Variants in ZHX2 observed in about 807,000 individuals in gnomAD.
ZHX2 encodes zinc fingers and homeoboxes 2, also known as zinc fingers and homeoboxes protein 2.
A neutral mutation model predicts 21.9 loss-of-function variants in ZHX2; 6 were observed. That is an observed-to-expected ratio of 0.27 (90% CI 0.15 to 0.54). The LOEUF is 0.54. Among genes scored for constraint, ZHX2 ranks in the 20% least tolerant of loss-of-function variants. The pLI is 0.95. For synonymous variants in ZHX2, 434 were observed against 437.1 expected, an observed-to-expected ratio of 0.99 and a Z score of 0.09; for missense variants, 908 against 1,090.7, an observed-to-expected ratio of 0.83 and a Z score of 2.36.
chr8:122,843,755 G>C (rs754384706), intron 1 of ZHX2, among the ~76,000 whole-genome samples: 24 of 152,188 alleles, frequency 1.6e-4, no homozygotes, highest in Admixed American at 4.6e-4. Context: ...CCAGCTAGAC[G>C]TGAAGGAGCT....
At chr8:122,783,502 CACTT>C (rs1817333886) in intron 1 of ZHX2, among the ~76,000 whole-genome samples, 1 of 152,120 alleles carries the variant, frequency 6.6e-6, no homozygotes, top group African/African-American at 2.4e-5. Flanking sequence ...CACACACACA[CACTT>C]ACTCACTCTC....
At chr8:122,866,329 C>G (rs117180124) in intron 2 of ZHX2, among the ~76,000 whole-genome samples, 3 of 152,130 alleles carry the variant, frequency 2.0e-5, no homozygotes, top group South Asian at 2.1e-4. Flanking sequence ...GGCACTCCCC[C>G]CCACCCCAGG....
intron 2 of ZHX2, among the ~76,000 whole-genome samples, chr8:122,930,008 C>T (rs998969746): frequency 6.6e-6 from 1 of 152,142 alleles, no homozygotes; most frequent in Non-Finnish European, 1.5e-5. Context: ...ACAGTCTTCC[C>T]GTTACCTGCT....
intron 2 of ZHX2, among the ~76,000 whole-genome samples, chr8:122,907,605 A>G (rs1586378310): frequency 6.6e-6 from 1 of 152,210 alleles, no homozygotes; most frequent in African/African-American, 2.4e-5. Context: ...TCCCAGAGGT[A>G]TTGGACAAAT....
intron 2 of ZHX2, among the ~76,000 whole-genome samples, chr8:122,880,121 G>A (rs1293929190): frequency 5.3e-5 from 8 of 151,672 alleles, no homozygotes; most frequent in Non-Finnish European, 8.8e-5. Context: ...TACAGGTGCC[G>A]CCACCAAACC....
intron 1 of ZHX2, among the ~76,000 whole-genome samples, chr8:122,827,869 T>C (rs1445041097): frequency 6.6e-6 from 1 of 152,218 alleles, no homozygotes; most frequent in Non-Finnish European, 1.5e-5. Context: ...CCCAACACTT[T>C]GGGAGGCCAA....
At chr8:122,797,568 C>T (rs1258979694) in intron 1 of ZHX2, among the ~76,000 whole-genome samples, 1 of 152,156 alleles carries the variant, frequency 6.6e-6, no homozygotes, top group South Asian at 2.1e-4. Flanking sequence ...TGAATCCAGG[C>T]CGACAAAGTT....
chr8:122,911,186 A>T (rs1820472508), intron 2 of ZHX2, among the ~76,000 whole-genome samples: 1 of 146,906 alleles, frequency 6.8e-6, no homozygotes, highest in Admixed American at 6.9e-5. Flanking sequence ...GCAGCCCCGT[A>T]GTCCTGTTGG....
At chr8:122,890,871 T>C (rs1186825447) in intron 2 of ZHX2, among the ~76,000 whole-genome samples, 9 of 152,188 alleles carry the variant, frequency 5.9e-5, no homozygotes, top group East Asian at 3.8e-4. Context: ...AGCCTAGCTT[T>C]TTCTATATGA....
At chr8:122,830,819 GACTATAAAA>G (rs941162855) in intron 1 of ZHX2, among the ~76,000 whole-genome samples, 2 of 152,212 alleles carry the variant, frequency 1.3e-5, no homozygotes, top group African/African-American at 4.8e-5. Flanking sequence ...ATTTTAAAGG[GACTATAAAA>G]AGAGGGTGCT....
chr8:122,884,388 G>T (rs550316118), intron 2 of ZHX2, among the ~76,000 whole-genome samples: 1 of 152,328 alleles, frequency 6.6e-6, no homozygotes, highest in African/African-American at 2.4e-5. Flanking sequence ...TTTCTAATTT[G>T]TCAGTCACAT....
chr8:122,926,635 G>A (rs1482952923), intron 2 of ZHX2, among the ~76,000 whole-genome samples: 5 of 152,128 alleles, frequency 3.3e-5, no homozygotes, highest in Non-Finnish European at 2.9e-5. Flanking sequence ...TTCCTCGTTC[G>A]GCTGGTCCTA....
intron 2 of ZHX2, among the ~76,000 whole-genome samples, chr8:122,907,074 A>G (rs1475326302): frequency 2.0e-5 from 3 of 152,210 alleles, no homozygotes; most frequent in Admixed American, 1.3e-4. Context: ...GCAGTGGTCA[A>G]TCATCAAGTT....
At chr8:122,788,073 G>A (rs1817435075) in intron 1 of ZHX2, among the ~76,000 whole-genome samples, 1 of 152,156 alleles carries the variant, frequency 6.6e-6, no homozygotes, top group African/African-American at 2.4e-5. Context: ...ACAACCAGAT[G>A]CACAAAGCTC....
chr8:122,929,767 C>T (rs1386521544), intron 2 of ZHX2, among the ~76,000 whole-genome samples: 3 of 152,112 alleles, frequency 2.0e-5, no homozygotes, highest in Non-Finnish European at 2.9e-5. Context: ...CTTATATACC[C>T]GTAGCTCACA....
chr8:122,810,282 T>C (rs1276805769), intron 1 of ZHX2, among the ~76,000 whole-genome samples: 1 of 152,010 alleles, frequency 6.6e-6, no homozygotes, highest in East Asian at 1.9e-4. Context: ...AAATGGGGGG[T>C]AGTAACACCT....
intron 2 of ZHX2, among the ~76,000 whole-genome samples, chr8:122,871,276 C>A (rs1348039702): frequency 6.6e-6 from 1 of 151,990 alleles, no homozygotes; most frequent in Non-Finnish European, 1.5e-5. Context: ...TTGGAACCAA[C>A]CCAAATGTCC....
chr8:122,957,816 G>C (rs1396375699), intron 3 of ZHX2, among the ~76,000 whole-genome samples: 1 of 152,092 alleles, frequency 6.6e-6, no homozygotes, highest in Non-Finnish European at 1.5e-5. Flanking sequence ...TCTGCACTAG[G>C]GGTGGCATTG....
intron 3 of ZHX2, among the ~76,000 whole-genome samples, chr8:122,972,256 G>A (rs926663582): frequency 6.6e-6 from 1 of 152,008 alleles, no homozygotes; most frequent in African/African-American, 2.4e-5. Context: ...TTTCTAATAG[G>A]GTAACATTCT....
Sources: gnomAD v4.1 joint callset for allele counts (sites outside exome capture counted in the v4.1 genomes callset) on GRCh38, gnomAD v4.1.1 for gene constraint, MANE v1.5 for transcripts, NCBI Gene and HGNC (gene_info 2026-07-23, HGNC 2026-07-21) for gene names.